The following USE1 variants were observed in gnomAD, a reference collection of about 807,000 sequenced individuals.
The protein encoded by USE1 is unconventional SNARE in the ER 1.
In USE1, 32 loss-of-function variants were observed where a neutral mutation model predicts 37.6. The ratio of observed to expected loss-of-function variants is 0.85; its 90% CI spans 0.64 to 1.14. The LOEUF is 1.14. Ranked by LOEUF, USE1 falls within the 50% of genes most tolerant of loss-of-function variation. The probability of loss-of-function intolerance (pLI) is 0.00; values close to 1 mark genes in which losing one functional copy is unlikely to be tolerated. For synonymous variants in USE1, 149 were observed against 137.6 expected (o/e 1.08, Z -0.58); for missense variants, 310 against 332.2 (o/e 0.93, Z 0.52).
intron 7 of USE1, 47 bp from the exon 8 acceptor site, chr19:17,219,584 C>A: frequency 6.5e-7 from 1 of 1,549,084 alleles, no homozygotes; most frequent in Non-Finnish European, 8.7e-7. Context: ...AGAGAGAGGC[C>A]ATTCTTGGCC....
intron 6 of USE1, chr19:17,218,908 C>T (rs34164098): frequency 0.19 from 35,568 of 187,930 alleles, 4,412 homozygotes; most frequent in African/African-American, 0.34. Flanking sequence ...GCAGGTGGAT[C>T]ACGAGGTCAG....
At position 17,215,866 on chromosome 19, in the gene USE1, C is replaced by T; in HGVS notation, c.152+15C>T. 6.2e-7 allele frequency: 1 copy of T among 1,604,742 alleles called. No individual in the cohort carries two copies. Among genetic ancestry groups the T allele is most frequent in the Non-Finnish European group, 8.5e-7 (1 of 1,175,834 alleles). ...GTCCACGCGAGGTGAGTGCAGGCAG[C>T]CTCAGGGCTTTCACATCAGCACGTG... On this transcript the variant is annotated intron_variant, in intron 2 of 7. Coordinates refer to ENST00000263897, the MANE Select transcript of USE1 (RefSeq NM_018467.4).
Position 17,215,858 on chromosome 19 carries a change from G to A in USE1, c.152+7G>A, listed in dbSNP as rs777650537. On this transcript the variant is annotated splice_region_variant and intron_variant, in intron 2 of 7. Transcript: ENST00000263897. ...CCCTGAAGGTCCACGCGAGGTGAGT[G>A]CAGGCAGCCTCAGGGCTTTCACATC... is the stretch of plus-strand genomic sequence containing the variant. 2 of 1,607,058 alleles carry A rather than the reference G, an allele frequency of 1.2e-6. No homozygotes were observed. The highest frequency in any genetic ancestry group is 2.7e-5 in the African/African-American group (2 of 74,766).
Position 17,219,295 on chromosome 19 carries a change from C to A in USE1, c.505C>A (p.Gln169Lys), listed in dbSNP as rs2073310821. The stretch of plus-strand genomic sequence containing the variant: ...CGTCCTGCAGCGACATCAGAACCTC[C>A]AGGAAAAGCTGGCGGAAGAGATGCT... Reference protein sequence around the residue: ...DLVLQRHQNLQEKLAEEMLGL... With the variant: ...DLVLQRHQNLKEKLAEEMLGL... Residue 169 changes from glutamine to lysine, a missense_variant, in exon 7 of 8, where the codon CAG becomes AAG. Physicochemically the swap from Gln to Lys is moderately conservative, Grantham distance 53. Coordinates refer to ENST00000263897, the MANE Select transcript of USE1 (RefSeq NM_018467.4). 2 of 1,613,256 alleles carry A rather than the reference C, an allele frequency of 1.2e-6. No individual in the cohort carries two copies. Among genetic ancestry groups the A allele is most frequent in the South Asian group, 2.2e-5 (2 of 90,920 alleles).
In USE1 at chr19:17,219,363, G is replaced by C. The variant is rs78670441; in HGVS notation, c.573G>C (p.Gln191His). Residue 191 changes from glutamine to histidine, a missense_variant, in exon 7 of 8, where the codon CAG (glutamine) becomes CAC (histidine). By Grantham distance (24) the Gln-to-His change is conservative. Transcript: ENST00000263897. Reference protein sequence around the residue: ...RSLKTNTLAAQSVIKKDNQTL... With the variant: ...RSLKTNTLAAHSVIKKDNQTL... ...TCAAGACCAATACCCTGGCCGCCCA[G>C]AGTGTCATCAAGAAGGACAACCAGG... 1.1e-3 allele frequency: 1,778 copies of C among 1,565,520 alleles called. 44 individuals are homozygous for C. The East Asian group carries it at 0.038, about 34-fold the overall frequency.
chr19:17,215,741 C>T lies in USE1; in HGVS notation c.103-61C>T, dbSNP rs1487872830. ...CTCCCATTTGTCGGCCCCGCCCCCC[C>T]GACTCCCATGATCAGGACATGGGAA... On this transcript the variant is annotated intron_variant, in intron 1 of 7. Coordinates refer to ENST00000263897, the MANE Select transcript of USE1 (RefSeq NM_018467.4). The T allele has an allele frequency of 3.0e-6, 4 of 1,325,916 alleles. No homozygotes were observed. In the African/African-American group the frequency reaches 4.3e-5, roughly 14 times the overall value. The allele number at this position is 1,325,916 out of a possible 1,614,324, so 82.1% of individuals were successfully genotyped here. A position where few individuals can be genotyped will look rare whatever the true frequency, so the allele number is the denominator to read the frequency against.
rs1568309832 is a variant in USE1, at chr19:17,219,307, G to C, written c.517G>C (p.Ala173Pro). The C allele has an allele frequency of 6.2e-7, 1 of 1,612,320 alleles. No individual in the cohort carries two copies. Among genetic ancestry groups the C allele is most frequent in the East Asian group, 2.2e-5 (1 of 44,802 alleles). Residue 173 changes from alanine (A) to proline (P), a missense_variant, in exon 7 of 8, where the codon GCG (alanine) becomes CCG (proline). Physicochemically the swap from Ala to Pro is conservative, Grantham distance 27. Coordinates refer to ENST00000263897, the MANE Select transcript of USE1 (RefSeq NM_018467.4). ...QRHQNLQEKLAEEMLGLARSL... is the reference protein window; with the variant it reads ...QRHQNLQEKLPEEMLGLARSL... Reference sequence around the variant, plus strand: ...ACATCAGAACCTCCAGGAAAAGCTGGCGGAAGAGATGCTAGGACTGGCCCG... The same window carrying C: ...ACATCAGAACCTCCAGGAAAAGCTGCCGGAAGAGATGCTAGGACTGGCCCG...
chr19:17,217,394 C>A, intron 4 of USE1, 59 bp from the exon 5 acceptor site: 1 of 1,598,984 alleles, frequency 6.3e-7, no homozygotes, highest in South Asian at 1.1e-5. Flanking sequence ...CCTTGGCCTC[C>A]CAAAGTGCTG....
rs2073313706 is a variant in USE1 at position 17,219,733 on chromosome 19, C to T, written c.700C>T (p.Leu234Phe). The T allele has an allele frequency of 2.5e-6, 4 of 1,613,374 alleles. No individual in the cohort carries two copies. The highest frequency in any genetic ancestry group is 3.4e-6 in the Non-Finnish European group (4 of 1,179,472). The change falls in exon 8 of 8, where the codon CTC becomes TTC. Residue 234 changes from leucine to phenylalanine, a missense_variant. By Grantham distance (22) the Leu-to-Phe change is conservative. Transcript: ENST00000263897. ...QHTQKSVNWL[L>F]WAMLIIVCFI... Reference sequence around the variant, plus strand: ...CACGCAGAAGTCAGTCAACTGGCTGCTCTGGGCCATGCTCATTATCGTCTG... The same window carrying T: ...CACGCAGAAGTCAGTCAACTGGCTGTTCTGGGCCATGCTCATTATCGTCTG...
intron 3 of USE1, 26 bp downstream of exon 3, chr19:17,216,096 C>T: frequency 6.2e-7 from 1 of 1,613,478 alleles, no homozygotes; most frequent in Non-Finnish European, 8.5e-7. Flanking sequence ...CCTGCCCCCT[C>T]AGCCCCCATC....
rs2073290529 is a variant in USE1, at chr19:17,216,305, G to C, written c.368G>C (p.Ser123Thr). 6.2e-7 allele frequency: 1 copy of C among 1,612,458 alleles called. No homozygotes were observed. The highest frequency in any genetic ancestry group is 8.5e-7 in the Non-Finnish European group (1 of 1,179,452). The change falls in exon 4 of 8, where the codon AGT (serine) becomes ACT (threonine). Residue 123 changes from serine (S) to threonine (T), a missense_variant. Coordinates refer to ENST00000263897, the MANE Select transcript of USE1 (RefSeq NM_018467.4). Reference protein sequence around the residue: ...SRARYTSEMRSELLGTDSAEP... With the variant: ...SRARYTSEMRTELLGTDSAEP... ...GCGCGGTACACCAGCGAGATGCGGA[G>C]TGAGCTACTAGGCACGGTAGGGCTC...
intron 6 of USE1, 119 bp downstream of exon 6, chr19:17,218,510 G>A (rs1328993946): frequency 3.0e-6 from 4 of 1,329,320 alleles, no homozygotes; most frequent in East Asian, 2.5e-5. Flanking sequence ...CCAACCAGAA[G>A]CCACTTCTGT....
chr19:17,217,178 C>T (rs2073295859), intron 4 of USE1, among the ~76,000 whole-genome samples: 1 of 149,544 alleles, frequency 6.7e-6, no homozygotes, highest in Non-Finnish European at 1.5e-5. Flanking sequence ...TCTTGTTGCC[C>T]AGGCTAGAGT....
intron 4 of USE1, 47 bp downstream of exon 4, chr19:17,216,368 G>A: frequency 6.3e-7 from 1 of 1,592,994 alleles, no homozygotes; most frequent in African/African-American, 1.3e-5. Flanking sequence ...ACAGGAATAG[G>A]GGTTCTATGC....
In USE1 at chr19:17,217,469, C is replaced by A; in HGVS notation, c.394+7C>A. 1 of 1,611,356 alleles carries A rather than the reference C, an allele frequency of 6.2e-7. No homozygotes were observed. The highest frequency in any genetic ancestry group is 1.1e-5 in the South Asian group (1 of 90,726). ...TTTCCACAGGACTCTGCAGGTGAGT[C>A]ACCATGAACACAACAGGACTTGAGG... is the stretch of plus-strand genomic sequence containing the variant. On this transcript the variant is annotated splice_region_variant and intron_variant, in intron 5 of 7. Transcript: ENST00000263897.
Position 17,215,500 on chromosome 19 carries a change from T to G in USE1, c.95T>G (p.Leu32Arg). 6.4e-7 allele frequency: 1 copy of G among 1,558,240 alleles called. No homozygotes were observed. Among genetic ancestry groups the G allele is most frequent in the Non-Finnish European group, 8.7e-7 (1 of 1,152,466 alleles). ...AAACGGGACCCGGACGAGTGGCGCCTGGAGAAGGTGAGGGGATCTCGCACT... is the reference window on the plus strand; with the variant it reads ...AAACGGGACCCGGACGAGTGGCGCCGGGAGAAGGTGAGGGGATCTCGCACT... The part of the protein sequence containing the change: ...AEKRDPDEWR[L>R]EKYVGALEDM... The change falls in exon 1 of 8, where the codon CTG (leucine) becomes CGG (arginine). Residue 32 changes from leucine (L) to arginine (R), a missense_variant. Transcript: ENST00000263897.
chr19:17,218,452 G>A lies in USE1; in HGVS notation c.422+61G>A, dbSNP rs370962179. The A allele has an allele frequency of 4.6e-5, 74 of 1,607,852 alleles. No homozygotes were observed. In the African/African-American group the frequency reaches 7.1e-4, roughly 15 times the overall value. ...TGGGCGGTGCGGCAGGGACGGGGTA[G>A]CAGTGGCCAAACCCTGGACCACCGA... On this transcript the variant is annotated intron_variant, in intron 6 of 7. Coordinates refer to ENST00000263897, the MANE Select transcript of USE1 (RefSeq NM_018467.4).
intron 6 of USE1, 48 bp from the exon 7 acceptor site, chr19:17,219,164 CT>C: frequency 6.4e-7 from 1 of 1,562,530 alleles, no homozygotes; most frequent in Non-Finnish European, 8.7e-7. Flanking sequence ...GTCTTCTCCC[CT>C]TTCCCACTCC....
chr19:17,215,409 G>C lies in USE1; in HGVS notation c.4G>C (p.Ala2Pro). 1 of 1,557,168 alleles carries C rather than the reference G, an allele frequency of 6.4e-7. No homozygotes were observed. Among genetic ancestry groups the C allele is most frequent in the Non-Finnish European group, 8.7e-7 (1 of 1,151,734 alleles). Residue 2 changes from alanine to proline, a missense_variant, in exon 1 of 8, where the codon GCG (alanine) becomes CCG (proline). By Grantham distance (27) the Ala-to-Pro change is conservative (BLOSUM62 -1). Coordinates refer to ENST00000263897, the MANE Select transcript of USE1 (RefSeq NM_018467.4). M[A>P]ASRLELNLVR... is the part of the protein sequence containing the mutation. ...GGTGGTGTAGGGCCGGGCGATAATG[G>C]CGGCGTCGAGGCTGGAGCTAAACCT... is the stretch of plus-strand genomic sequence containing the variant.
Sources: gnomAD v4.1 joint callset for allele counts (sites outside exome capture counted in the v4.1 genomes callset) on GRCh38, gnomAD v4.1.1 for gene constraint, MANE v1.5 for transcripts, NCBI Gene and HGNC (gene_info 2026-07-23, HGNC 2026-07-21) for gene names.